WIPF1: variants seen among roughly 807,000 people sequenced by gnomAD.
WIPF1 encodes WAS/WASL-interacting protein family member 1.
A neutral mutation model predicts 35.4 loss-of-function variants in WIPF1; 13 were observed. The ratio of observed to expected loss-of-function variants is 0.37; its 90% CI spans 0.24 to 0.58. WIPF1 has a LOEUF of 0.58. WIPF1 is among the 20% of genes least tolerant of loss of function. WIPF1 has a pLI of 0.74. For synonymous variants in WIPF1, 267 were observed against 266.3 expected, an observed-to-expected ratio of 1.00 and a Z score of -0.02; for missense variants, 591 against 667.0, an observed-to-expected ratio of 0.89 and a Z score of 1.25.
intron 1 of WIPF1, among the ~76,000 whole-genome samples, chr2:174,611,677 A>AT (rs1275186756): frequency 1.3e-5 from 2 of 152,226 alleles, no homozygotes; most frequent in African/African-American, 4.8e-5. Flanking sequence ...CTTTCCTGGG[A>AT]TAAGATGATC....
rs759985968 is a variant in WIPF1 at position 174,575,330 on chromosome 2, C to T, written c.232G>A (p.Gly78Ser). 31 of 1,613,680 alleles carry T rather than the reference C, an allele frequency of 1.9e-5. No individual in the cohort carries two copies. Among genetic ancestry groups the T allele is most frequent in the Non-Finnish European group, 2.5e-5 (30 of 1,179,876 alleles). ...CCACCACCTCCTCCGCCAAATCCGC[C>T]GCCTCCACCAAAGCCACCACCACCG... Reference protein sequence around the residue: ...GGGGGGFGGGGGFGGGGGGGG... With the variant: ...GGGGGGFGGGSGFGGGGGGGG... Residue 78 changes from glycine to serine, a missense_variant, in exon 4 of 8, where the codon GGC becomes AGC. Gly to Ser is a moderately conservative substitution (Grantham distance 56). Coordinates refer to ENST00000679041, the MANE Select transcript of WIPF1 (RefSeq NM_001375834.1).
intron 1 of WIPF1, among the ~76,000 whole-genome samples, chr2:174,625,190 A>T (rs1033555455): frequency 6.6e-6 from 1 of 152,086 alleles, no homozygotes; most frequent in Non-Finnish European, 1.5e-5. Context: ...TGTGGGTTTG[A>T]TGGAGGGCAT....
chr2:174,610,154 G>T (rs1574833474), intron 1 of WIPF1, among the ~76,000 whole-genome samples: 1 of 152,342 alleles, frequency 6.6e-6, no homozygotes, highest in Admixed American at 6.5e-5. Context: ...CCACAGGAAA[G>T]ACAAAGGAAA....
At chr2:174,638,324 A>G (rs1386920503) in intron 1 of WIPF1, among the ~76,000 whole-genome samples, 2 of 152,254 alleles carry the variant, frequency 1.3e-5, no homozygotes, top group African/African-American at 4.8e-5. Flanking sequence ...ATATTTTGAT[A>G]CATATCTATA....
chr2:174,651,714 T>C (rs1218547052), intron 1 of WIPF1, among the ~76,000 whole-genome samples: 1 of 152,238 alleles, frequency 6.6e-6, no homozygotes, highest in East Asian at 1.9e-4. Context: ...GGATGAGTGC[T>C]CCAGTTATCT....
intron 1 of WIPF1, among the ~76,000 whole-genome samples, chr2:174,677,362 T>C (rs1335494263): frequency 1.3e-5 from 2 of 152,230 alleles, no homozygotes; most frequent in South Asian, 2.1e-4. Context: ...AAGAATCTAC[T>C]GTTTTGAGAA....
upstream of WIPF1, among the ~76,000 whole-genome samples, chr2:174,599,834 T>G (rs1164827085): frequency 6.6e-6 from 1 of 152,048 alleles, no homozygotes; most frequent in Non-Finnish European, 1.5e-5. Flanking sequence ...TCTCTCTCTC[T>G]CTCTCTCAGT....
upstream of WIPF1, among the ~76,000 whole-genome samples, chr2:174,599,238 T>G (rs1199803478): frequency 6.6e-6 from 1 of 152,036 alleles, no homozygotes; most frequent in African/African-American, 2.4e-5. Context: ...ATTCAGTGGG[T>G]GGGGCCAGGA....
rs1684834385 is a variant in WIPF1, at chr2:174,571,503, T to A, written c.1129+173A>T. 2.4e-6 allele frequency: 2 copies of A among 837,682 alleles called. No homozygotes were observed. Among genetic ancestry groups the A allele is most frequent in the Non-Finnish European group, 4.0e-6 (2 of 499,124 alleles). The allele number at this position is 837,682 out of a possible 1,614,324, so 51.9% of individuals were successfully genotyped here. A position where few individuals can be genotyped will look rare whatever the true frequency, so the allele number is the denominator to read the frequency against. ...ACCAACAGAAATATTGGTCCCACTT[T>A]CCCCCGGGGTTTACACGAGGTCACG... On this transcript the variant is annotated intron_variant, in intron 5 of 7. Coordinates refer to ENST00000679041, the MANE Select transcript of WIPF1 (RefSeq NM_001375834.1). The surrounding 1 kb of genome is among the most constrained non-coding windows in gnomAD (Gnocchi z 4.6).
intron 4 of WIPF1, chr2:174,574,943 T>G: frequency 1.5e-6 from 1 of 670,636 alleles, no homozygotes; most frequent in Non-Finnish European, 2.7e-6. Context: ...CAGCTAACCC[T>G]TTAGAAAAGT....
intron 5 of WIPF1, 111 bp from the exon 6 acceptor site, chr2:174,568,184 G>T: frequency 7.9e-7 from 1 of 1,272,270 alleles, no homozygotes; most frequent in Non-Finnish European, 1.1e-6. Context: ...CCTTTAATTA[G>T]GGTGATTTTC....
intron 1 of WIPF1, among the ~76,000 whole-genome samples, chr2:174,588,099 T>C (rs566911224): frequency 2.0e-5 from 3 of 152,114 alleles, no homozygotes; most frequent in Non-Finnish European, 4.4e-5. Flanking sequence ...AGACGTCTCC[T>C]AGGACCAGCA....
chr2:174,663,464 C>G (rs1687820855), intron 1 of WIPF1, among the ~76,000 whole-genome samples: 2 of 151,896 alleles, frequency 1.3e-5, no homozygotes, highest in Admixed American at 1.3e-4. Flanking sequence ...TCCACGCATT[C>G]CCCTTCCCCC....
chr2:174,635,905 C>A (rs1163288229), intron 1 of WIPF1, among the ~76,000 whole-genome samples: 1 of 152,018 alleles, frequency 6.6e-6, no homozygotes, highest in African/African-American at 2.4e-5. Flanking sequence ...ACAGTAAAAC[C>A]CTGAAGTCTC....
At chr2:174,645,853 T>G (rs1687398390) in intron 1 of WIPF1, among the ~76,000 whole-genome samples, 1 of 152,240 alleles carries the variant, frequency 6.6e-6, no homozygotes, top group Non-Finnish European at 1.5e-5. Context: ...AGGCCCTATA[T>G]TCATCTTTGT....
chr2:174,667,867 G>A (rs546706703), intron 1 of WIPF1, among the ~76,000 whole-genome samples: 1 of 152,278 alleles, frequency 6.6e-6, no homozygotes, highest in East Asian at 1.9e-4. Context: ...GCTGAACTCT[G>A]CTATAAACTC....
At chr2:174,562,654 C>G in intron 7 of WIPF1, 52 bp from the exon 8 acceptor site, 1 of 1,605,068 alleles carries the variant, frequency 6.2e-7, no homozygotes, top group African/African-American at 1.3e-5. Context: ...CTGATGTTCT[C>G]ATCGTGGAAA....
upstream of WIPF1, among the ~76,000 whole-genome samples, chr2:174,600,466 G>C (rs994401028): frequency 6.6e-6 from 1 of 152,160 alleles, no homozygotes; most frequent in African/African-American, 2.4e-5. Context: ...TTCATCTCAA[G>C]TAATATTCTG....
At position 174,572,338 on chromosome 2, in the gene WIPF1, C is replaced by G. The variant is rs150498191; in HGVS notation, c.467G>C (p.Gly156Ala). 6.2e-7 allele frequency: 1 copy of G among 1,613,932 alleles called. No homozygotes were observed. Among genetic ancestry groups the G allele is most frequent in the African/African-American group, 1.3e-5 (1 of 74,866 alleles). Reference sequence around the variant, plus strand: ...AGGCTCTGGGGGACCACTTCTGTGGCCTGGAGAAGGCACAGGAAACCTCCC... The same window carrying G: ...AGGCTCTGGGGGACCACTTCTGTGGGCTGGAGAAGGCACAGGAAACCTCCC... ...GPGRFPVPSP[G>A]HRSGPPEPQR... The change falls in exon 5 of 8, where the codon GGC becomes GCC. Residue 156 changes from glycine (G) to alanine (A), a missense_variant. By Grantham distance (60) the Gly-to-Ala change is moderately conservative (BLOSUM62 0). Coordinates refer to ENST00000679041, the MANE Select transcript of WIPF1 (RefSeq NM_001375834.1).
Sources: allele counts gnomAD v4.1 joint callset (sites outside exome capture counted in the v4.1 genomes callset), GRCh38; gene constraint gnomAD v4.1.1; non-coding constraint Gnocchi (gnomAD v3.1); transcripts MANE v1.5; gene names NCBI Gene and HGNC (gene_info 2026-07-23, HGNC 2026-07-21).